IQGAP1: variants seen among roughly 807,000 people sequenced by gnomAD.
IQGAP1 encodes ras GTPase-activating-like protein IQGAP1.
Under a neutral mutation model 215.6 loss-of-function variants are expected in IQGAP1, and 66 were observed. That is an observed-to-expected ratio of 0.31 (90% CI 0.25 to 0.38). The LOEUF is 0.38. IQGAP1 is among the 10% of genes least tolerant of loss of function. IQGAP1 has a pLI of 1.00. For synonymous variants in IQGAP1, 772 were observed against 728.7 expected (o/e 1.06, Z -0.96); for missense variants, 1,712 against 1,997.1 (o/e 0.86, Z 2.72).
At chr15:90,474,338 T>C in intron 22 of IQGAP1, 147 bp from the exon 23 acceptor site, 1 of 779,944 alleles carries the variant, frequency 1.3e-6, no homozygotes, top group Admixed American at 2.3e-5. Flanking sequence ...AGCAATAGCC[T>C]GACACAGAAG....
intron 5 of IQGAP1, among the ~76,000 whole-genome samples, chr15:90,439,080 C>T (rs1485378344): frequency 1.3e-5 from 2 of 151,920 alleles, no homozygotes; most frequent in African/African-American, 2.4e-5. Flanking sequence ...TAATTTGTGC[C>T]TACTGATTTC....
intron 26 of IQGAP1, among the ~76,000 whole-genome samples, chr15:90,480,294 T>TGTG (rs1314172358): frequency 6.7e-6 from 1 of 149,780 alleles, no homozygotes; most frequent in Admixed American, 6.7e-5. Flanking sequence ...GGGATGGTGG[T>TGTG]GTGGTGGGGA....
intron 18 of IQGAP1, among the ~76,000 whole-genome samples, chr15:90,471,502 C>CTTT (rs370377668): frequency 6.9e-6 from 1 of 144,520 alleles, no homozygotes; most frequent in Non-Finnish European, 1.5e-5. Flanking sequence ...CTCATGAAGT[C>CTTT]TTTTTTTTTT....
chr15:90,389,833 T>C (rs1964609371), intron 1 of IQGAP1, among the ~76,000 whole-genome samples: 2 of 150,198 alleles, frequency 1.3e-5, no homozygotes, highest in African/African-American at 4.9e-5. Context: ...GGCCCATGCC[T>C]GTGGTCCCAG....
Position 90,462,389 on chromosome 15 carries a change from C to T in IQGAP1, c.1777-3612C>T, listed in dbSNP as rs1315103645. Among the ~76,000 whole-genome samples, 4 of 152,186 alleles carry T rather than the reference C, an allele frequency of 2.6e-5. No homozygotes were observed. In the East Asian group the frequency reaches 5.8e-4, roughly 22 times the overall value. ...CTCCCCAACTCTAATTGAAATCCCA[C>T]TATATGGCAACTAAACCAGCAGTGA... On this transcript the variant is annotated intron_variant, in intron 15 of 37. Coordinates refer to ENST00000268182, the MANE Select transcript of IQGAP1 (RefSeq NM_003870.4).
intron 5 of IQGAP1, among the ~76,000 whole-genome samples, chr15:90,434,437 T>TA (rs527694316): frequency 3.3e-4 from 50 of 150,672 alleles, no homozygotes; most frequent in South Asian, 1.9e-3. Context: ...AAACTCCATC[T>TA]AAAAAAAAAT....
At chr15:90,439,842 G>T (rs891296252) in intron 6 of IQGAP1, among the ~76,000 whole-genome samples, 1 of 152,148 alleles carries the variant, frequency 6.6e-6, no homozygotes. Flanking sequence ...AGCTTATTTG[G>T]GTGGGTGTTT....
intron 10 of IQGAP1, among the ~76,000 whole-genome samples, 183 bp downstream of exon 10, chr15:90,448,919 T>G (rs1321697222): frequency 2.6e-5 from 4 of 152,204 alleles, no homozygotes; most frequent in Non-Finnish European, 5.9e-5. Flanking sequence ...TCACTTTTGC[T>G]TTTAGAGCTA....
intron 14 of IQGAP1, among the ~76,000 whole-genome samples, chr15:90,455,115 A>G (rs1193900238): frequency 4.6e-5 from 7 of 152,182 alleles, no homozygotes; most frequent in African/African-American, 1.2e-4. Context: ...AGTCCCCAAT[A>G]TGAAGCTTCT....
chr15:90,434,040 A>G (rs1473016574), intron 5 of IQGAP1, among the ~76,000 whole-genome samples: 1 of 152,144 alleles, frequency 6.6e-6, no homozygotes, highest in African/African-American at 2.4e-5. Context: ...TATCTTTCAT[A>G]ATTGATCTAG....
At chr15:90,402,453 A>G (rs1323485786) in intron 2 of IQGAP1, among the ~76,000 whole-genome samples, 1 of 152,188 alleles carries the variant, frequency 6.6e-6, no homozygotes, top group Non-Finnish European at 1.5e-5. Context: ...CTGTTGACTC[A>G]TTGGAAATCA....
intron 2 of IQGAP1, among the ~76,000 whole-genome samples, chr15:90,402,007 T>C (rs962686133): frequency 6.6e-6 from 1 of 152,216 alleles, no homozygotes; most frequent in Admixed American, 6.5e-5. Flanking sequence ...TGCTCTTAAC[T>C]TCTGCAGATG....
chr15:90,467,450 G>T lies in IQGAP1; in HGVS notation c.2036G>T (p.Gly679Val), dbSNP rs763996805. 3 of 1,606,546 alleles carry T rather than the reference G, an allele frequency of 1.9e-6. No individual in the cohort carries two copies. The South Asian group carries it at 3.3e-5, about 18-fold the overall frequency. Residue 679 changes from glycine (G) to valine (V), a missense_variant and splice_region_variant, in exon 18 of 38, where the codon GGA becomes GTA. Gly to Val is a moderately radical substitution (Grantham distance 109). Around this residue, in one of 2 missense-constraint regions of IQGAP1, gnomAD observed 1,021 missense variants for 1,074.2 expected, o/e 0.95. Transcript: ENST00000268182. ...CTATCTTTCCTTTATTTTCTGCCAG[G>T]AGATAATAACAGCAAGTGGGTGAAG... The part of the protein sequence containing the change: ...AEAKKKKLAV[G>V]DNNSKWVKHW...
intron 4 of IQGAP1, among the ~76,000 whole-genome samples, chr15:90,433,212 A>G (rs529417735): frequency 2.6e-5 from 4 of 152,280 alleles, no homozygotes; most frequent in East Asian, 3.9e-4. Context: ...AGCATTAAAC[A>G]CATTTTAATA....
chr15:90,452,073 C>T (rs1045753066), intron 11 of IQGAP1, among the ~76,000 whole-genome samples: 5 of 152,188 alleles, frequency 3.3e-5, no homozygotes, highest in Non-Finnish European at 7.3e-5. Context: ...CGTGATCCAC[C>T]TGCCTTGGCC....
Position 90,497,337 on chromosome 15 carries a change from T to C in IQGAP1, c.4857T>C (p.Tyr1619=). 6.4e-7 allele frequency: 1 copy of C among 1,567,330 alleles called. No individual in the cohort carries two copies. The highest frequency in any genetic ancestry group is 1.3e-5 in the African/African-American group (1 of 74,108). ...GVQMETFMLH[Y]QDLLQLQYEG... is the part of the protein sequence containing the mutation. The stretch of plus-strand genomic sequence containing the variant: ...AAATGGAGACTTTTATGTTACATTA[T>C]CAGGTGGGTATGCACCAGCAGGAAC... Residue 1619 remains tyrosine (Y), a synonymous_variant, in exon 37 of 38, where the codon TAT becomes TAC. Transcript: ENST00000268182.
At chr15:90,464,186 T>C (rs1696263040) in intron 15 of IQGAP1, among the ~76,000 whole-genome samples, 1 of 152,206 alleles carries the variant, frequency 6.6e-6, no homozygotes. Context: ...CAGGAGTATG[T>C]TAATTTTGTT....
intron 29 of IQGAP1, among the ~76,000 whole-genome samples, 199 bp downstream of exon 29, chr15:90,483,792 T>G (rs1261036131): frequency 6.6e-6 from 1 of 152,244 alleles, no homozygotes; most frequent in East Asian, 1.9e-4. Flanking sequence ...TAGTTAACAC[T>G]TATGAAATAG....
chr15:90,494,924 A>G, intron 36 of IQGAP1, 89 bp downstream of exon 36: 2 of 920,258 alleles, frequency 2.2e-6, no homozygotes, highest in South Asian at 3.1e-5. Context: ...TCTTTTCTGG[A>G]TGGTTACTTT....
Sources: gnomAD v4.1 joint callset for allele counts (sites outside exome capture counted in the v4.1 genomes callset) on GRCh38, gnomAD v4.1.1 for gene constraint, gnomAD v4.1.1 regional missense constraint, MANE v1.5 for transcripts, NCBI Gene and HGNC (gene_info 2026-07-23, HGNC 2026-07-21) for gene names.